The following CA10 variants were observed in gnomAD, a reference collection of about 807,000 sequenced individuals.
CA10 encodes the protein carbonic anhydrase 10 (inactive).
A neutral mutation model predicts 44.2 loss-of-function variants in CA10; 14 were observed. The ratio of observed to expected loss-of-function variants is 0.32; its 90% CI spans 0.21 to 0.50. The LOEUF (loss-of-function observed/expected upper bound fraction) is 0.50. Ranked by LOEUF, CA10 falls within the 20% of genes least tolerant of loss-of-function variation. The probability of loss-of-function intolerance (pLI) is 0.99; values close to 1 mark genes in which losing one functional copy is unlikely to be tolerated. For missense variants in CA10, 350 were observed against 409.7 expected (o/e 0.85, Z 1.26); for synonymous variants, 159 against 141.6 (o/e 1.12, Z -0.87).
chr17:51,664,707 A>C (rs1914147377), intron 4 of CA10, among the ~76,000 whole-genome samples: 1 of 152,036 alleles, frequency 6.6e-6, no homozygotes, highest in Non-Finnish European at 1.5e-5. Flanking sequence ...GATGCTGAGA[A>C]AGGCTCTGAA....
intron 2 of CA10, among the ~76,000 whole-genome samples, chr17:51,970,001 T>C (rs1984222334): frequency 6.6e-6 from 1 of 152,002 alleles, no homozygotes; most frequent in Non-Finnish European, 1.5e-5. Context: ...GAGCTGTTTG[T>C]AGAGTAATAT....
intron 3 of CA10, among the ~76,000 whole-genome samples, chr17:51,832,700 T>C (rs1475015237): frequency 6.6e-6 from 1 of 152,226 alleles, no homozygotes; most frequent in East Asian, 1.9e-4. Flanking sequence ...GGTGATTTTC[T>C]TTAAGTATCA....
At chr17:52,003,522 A>G (rs1985499851) in intron 2 of CA10, among the ~76,000 whole-genome samples, 1 of 152,016 alleles carries the variant, frequency 6.6e-6, no homozygotes, top group Admixed American at 6.6e-5. Flanking sequence ...ATCTGTTAAA[A>G]GAATGAGTAG....
At chr17:51,779,183 G>T (rs1165974982) in intron 3 of CA10, among the ~76,000 whole-genome samples, 1 of 152,110 alleles carries the variant, frequency 6.6e-6, no homozygotes, top group East Asian at 1.9e-4. Context: ...TGGGAGAAAG[G>T]TAAGTGCCTC....
intron 6 of CA10, among the ~76,000 whole-genome samples, chr17:51,637,624 T>C (rs1018657087): frequency 1.1e-4 from 16 of 152,212 alleles, no homozygotes; most frequent in African/African-American, 3.9e-4. Flanking sequence ...TGTGCACATA[T>C]ATGGTAAAGG....
chr17:51,942,540 A>T lies in CA10; in HGVS notation c.137-11408T>A, dbSNP rs1354683734. ...CCAGGAAGGAAATCTTGCAGGCATTATATATATATATATATCTGTCATCTC... is the reference window on the plus strand; with the variant it reads ...CCAGGAAGGAAATCTTGCAGGCATTTTATATATATATATATCTGTCATCTC... On this transcript the variant is annotated intron_variant, in intron 2 of 8. Coordinates refer to ENST00000451037, the MANE Select transcript of CA10 (RefSeq NM_020178.5). 6.7e-5 allele frequency among the ~76,000 whole-genome samples: 2 copies of T among 29,964 alleles called. 1 individual carries two copies. The highest frequency in any genetic ancestry group is 1.7e-4 in the Non-Finnish European group (2 of 11,846). The allele number at this position is 29,964 out of a possible 152,430, so 19.7% of individuals were successfully genotyped here. A position where few individuals can be genotyped will look rare whatever the true frequency, so the allele number is the denominator to read the frequency against.
intron 4 of CA10, among the ~76,000 whole-genome samples, chr17:51,671,816 C>T (rs1203889578): frequency 6.6e-6 from 1 of 152,152 alleles, no homozygotes; most frequent in Non-Finnish European, 1.5e-5. Context: ...CCATGCTGGC[C>T]TTCTGGATTT....
At chr17:51,813,053 G>A (rs1280663131) in intron 3 of CA10, among the ~76,000 whole-genome samples, 5 of 152,082 alleles carry the variant, frequency 3.3e-5, no homozygotes, top group South Asian at 2.1e-4. Context: ...GGACTAAATC[G>A]GATAATAGAA....
intron 2 of CA10, among the ~76,000 whole-genome samples, chr17:52,035,282 T>C (rs1986583791): frequency 6.6e-6 from 1 of 152,168 alleles, no homozygotes; most frequent in Non-Finnish European, 1.5e-5. Flanking sequence ...GAGGGATGGC[T>C]TGATGGAGTA....
At chr17:52,067,573 C>A (rs1371353253) in intron 2 of CA10, among the ~76,000 whole-genome samples, 2 of 152,322 alleles carry the variant, frequency 1.3e-5, no homozygotes, top group African/African-American at 4.8e-5. Flanking sequence ...GGACCAAGAT[C>A]CTCCTGACCC....
intron 4 of CA10, among the ~76,000 whole-genome samples, chr17:51,692,670 A>T (rs1485248160): frequency 6.6e-6 from 1 of 151,582 alleles, no homozygotes; most frequent in Non-Finnish European, 1.5e-5. Flanking sequence ...TAGATGCACC[A>T]TGGTTAATCC....
chr17:51,851,223 C>T (rs1000046335), intron 3 of CA10, among the ~76,000 whole-genome samples: 2 of 152,214 alleles, frequency 1.3e-5, no homozygotes, highest in African/African-American at 2.4e-5. Context: ...ATCTTCTAGG[C>T]TGGACAAGCT....
At chr17:52,013,162 G>T (rs1230339846) in intron 2 of CA10, among the ~76,000 whole-genome samples, 1 of 151,950 alleles carries the variant, frequency 6.6e-6, no homozygotes, top group Non-Finnish European at 1.5e-5. Flanking sequence ...CACAGAAAAA[G>T]AGATATCCAT....
chr17:52,150,923 T>C lies in CA10; in HGVS notation c.61+6803A>G, dbSNP rs550917250. On this transcript the variant is annotated intron_variant, in intron 1 of 8. Transcript: ENST00000451037. ...ATAAATGAGGGTCACGAGAGATTTATAAAAAATGAATTTTTAAAAAAGTGT... is the reference window on the plus strand; with the variant it reads ...ATAAATGAGGGTCACGAGAGATTTACAAAAAATGAATTTTTAAAAAAGTGT... Among the ~76,000 whole-genome samples the C allele has an allele frequency of 4.5e-4, 69 of 152,200 alleles. 1 individual carries two copies. The highest frequency in any genetic ancestry group is 1.6e-3 in the African/African-American group (65 of 41,554).
At chr17:51,919,945 C>T (rs1367931268) in intron 3 of CA10, among the ~76,000 whole-genome samples, 1 of 152,138 alleles carries the variant, frequency 6.6e-6, no homozygotes, top group Non-Finnish European at 1.5e-5. Context: ...AGCCACTGCT[C>T]CTGGCCAAAT....
At chr17:52,098,973 G>GTCAGAT (rs1421657793) in intron 1 of CA10, among the ~76,000 whole-genome samples, 1 of 152,138 alleles carries the variant, frequency 6.6e-6, no homozygotes, top group Non-Finnish European at 1.5e-5. Context: ...TTCTGCTGGG[G>GTCAGAT]TCAGATGTGC....
chr17:51,678,584 G>A (rs1253713884), intron 4 of CA10, among the ~76,000 whole-genome samples: 10 of 152,150 alleles, frequency 6.6e-5, no homozygotes, highest in Non-Finnish European at 1.5e-5. Context: ...CATTAACTTG[G>A]CCTTGCTGGT....
chr17:51,810,210 C>T (rs1204072106), intron 3 of CA10, among the ~76,000 whole-genome samples: 1 of 152,178 alleles, frequency 6.6e-6, no homozygotes, highest in African/African-American at 2.4e-5. Context: ...GATTGCTTAT[C>T]TCTTTTCATT....
chr17:52,008,177 T>G (rs1186463373), intron 2 of CA10, among the ~76,000 whole-genome samples: 1 of 151,788 alleles, frequency 6.6e-6, no homozygotes, highest in Non-Finnish European at 1.5e-5. Context: ...ATTTCATTAT[T>G]GCTTCTTTCC....
Sources: gnomAD v4.1 joint callset for allele counts (sites outside exome capture counted in the v4.1 genomes callset) on GRCh38, gnomAD v4.1.1 for gene constraint, MANE v1.5 for transcripts, NCBI Gene and HGNC (gene_info 2026-07-23, HGNC 2026-07-21) for gene names.